LTBP1: variants seen among roughly 807,000 people sequenced by gnomAD.
LTBP1 encodes latent transforming growth factor beta binding protein 1, also known as latent-transforming growth factor beta-binding protein 1.
Under a neutral mutation model 207.6 loss-of-function variants are expected in LTBP1, and 129 were observed. That is an observed-to-expected ratio of 0.62 (90% confidence interval 0.54 to 0.72). LTBP1 has a LOEUF of 0.72. Ranked by LOEUF, LTBP1 falls within the 30% of genes least tolerant of loss-of-function variation. The pLI is 0.00. For synonymous variants in LTBP1, 963 were observed against 833.7 expected (o/e 1.16, Z -2.67); for missense variants, 2,281 against 2,217.2 (o/e 1.03, Z -0.58).
intron 31 of LTBP1, among the ~76,000 whole-genome samples, chr2:33,374,297 T>C (rs1419122980): frequency 6.6e-6 from 1 of 152,182 alleles, no homozygotes. Flanking sequence ...TCTTTCTGCT[T>C]TTGGTCCTGG....
In LTBP1 at chr2:33,278,103, A is replaced by G. The variant is rs1182087616; in HGVS notation, c.2993-1936A>G. Among the ~76,000 whole-genome samples the G allele has an allele frequency of 3.3e-5, 5 of 151,780 alleles. No individual in the cohort carries two copies. The East Asian group carries it at 9.6e-4, about 29-fold the overall frequency. ...AGCCTCAGCCTCCCAAAGTGCTGGG[A>G]TTACAGGTGTGAGCTACTGCACCCG... is the stretch of plus-strand genomic sequence containing the variant. On this transcript the variant is annotated intron_variant, in intron 18 of 33. Transcript: ENST00000404816.
intron 24 of LTBP1, 44 bp from the exon 25 acceptor site, chr2:33,342,794 G>C: frequency 6.2e-7 from 1 of 1,601,354 alleles, no homozygotes; most frequent in Non-Finnish European, 8.5e-7. Flanking sequence ...GTGTTTGTCA[G>C]CCTGTGTTTG....
chr2:33,106,608 C>CTT lies in LTBP1; in HGVS notation c.864-3970_864-3969dup, dbSNP rs1267105433. ...GAGCAGTACTATTTTGAAAGGAAATCTTTTTCTTTTTTTTTTTTCCCTGAA... is the reference window on the plus strand; with the variant it reads ...GAGCAGTACTATTTTGAAAGGAAATCTTTTTTTCTTTTTTTTTTTTCCCTGAA... On this transcript the variant is annotated intron_variant, in intron 3 of 33. Transcript: ENST00000404816. 7.5e-3 allele frequency among the ~76,000 whole-genome samples: 1,130 copies of CTT among 151,492 alleles called. 8 individuals are homozygous for CTT. The highest frequency in any genetic ancestry group is 0.01 in the Middle Eastern group (3 of 294).
chr2:32,948,822 C>T, intron 1 of LTBP1, 53 bp from the exon 2 acceptor site: 1 of 1,530,278 alleles, frequency 6.5e-7, no homozygotes, highest in South Asian at 1.1e-5. Context: ...AGCTTGGGTT[C>T]TTGGGAAGGG....
At chr2:33,053,982 G>A (rs1195084028) in intron 3 of LTBP1, among the ~76,000 whole-genome samples, 2 of 152,160 alleles carry the variant, frequency 1.3e-5, no homozygotes, top group African/African-American at 4.8e-5. Context: ...AAACCCCTGG[G>A]GCAAGACCAT....
chr2:33,027,413 T>C lies in LTBP1; in HGVS notation c.863+6207T>C, dbSNP rs147558527. Among the ~76,000 whole-genome samples the C allele has an allele frequency of 2.9e-3, 445 of 152,330 alleles. 1 individual carries two copies. The highest frequency in any genetic ancestry group is 0.01 in the African/African-American group (434 of 41,574). On this transcript the variant is annotated intron_variant, in intron 3 of 33. Transcript: ENST00000404816. ...CAAATTACCAGTATACAGTATACAGTATTATTTACTATAGTCACCATGCTC... is the reference window on the plus strand; with the variant it reads ...CAAATTACCAGTATACAGTATACAGCATTATTTACTATAGTCACCATGCTC...
rs766267124 is a variant in LTBP1 at position 33,361,421 on chromosome 2, A to G, written c.4184-8A>G. On this transcript the variant is annotated splice_region_variant and splice_polypyrimidine_tract_variant and intron_variant, in intron 27 of 33. Transcript: ENST00000404816. ...TCTTTTTTTTTTTTTTGTCTCTTCT[A>G]AAATCAGCTGAGTTCACTGAAATGT... The G allele has an allele frequency of 2.0e-6, 3 of 1,498,400 alleles. No homozygotes were observed. Among genetic ancestry groups the G allele is most frequent in the East Asian group, 2.3e-5 (1 of 43,296 alleles). 92.8% of individuals were successfully genotyped at this position (1,498,400 alleles called of 1,614,324 possible). A position where few individuals can be genotyped will look rare whatever the true frequency, so the allele number is the denominator to read the frequency against.
At chr2:33,397,563 A>T (rs955804555) in intron 33 of LTBP1, among the ~76,000 whole-genome samples, 1 of 129,282 alleles carries the variant, frequency 7.7e-6, no homozygotes, top group Non-Finnish European at 1.5e-5. Flanking sequence ...GCTGGAGTGC[A>T]GTGGGGTGAT....
In LTBP1 at chr2:33,079,816, A is replaced by G. The variant is rs2078295846; in HGVS notation, c.864-30766A>G. 2.6e-5 allele frequency among the ~76,000 whole-genome samples: 4 copies of G among 152,246 alleles called. No individual in the cohort carries two copies. In the South Asian group the frequency reaches 8.3e-4, roughly 32 times the overall value. ...TTTTTCTTCTGTTTACACACTTGCA[A>G]CACAGTTAAGTTTCCAACAGATTGC... is the stretch of plus-strand genomic sequence containing the variant. On this transcript the variant is annotated intron_variant, in intron 3 of 33. Transcript: ENST00000404816.
chr2:33,070,614 C>A (rs190577487), intron 3 of LTBP1, among the ~76,000 whole-genome samples: 221 of 152,342 alleles, frequency 1.5e-3, no homozygotes, highest in Non-Finnish European at 1.4e-3. Flanking sequence ...AAGGGCCACA[C>A]CTAATTTACA....
intron 10 of LTBP1, among the ~76,000 whole-genome samples, chr2:33,247,454 TG>T (rs1165803234): frequency 2.0e-5 from 3 of 152,182 alleles, no homozygotes; most frequent in African/African-American, 7.2e-5. Flanking sequence ...TTATAGCCCA[TG>T]GGAAAAAATC....
chr2:33,128,348 A>C (rs986618196), intron 4 of LTBP1, among the ~76,000 whole-genome samples: 1 of 152,264 alleles, frequency 6.6e-6, no homozygotes, highest in South Asian at 2.1e-4. Context: ...TAAAGAGCCT[A>C]TGCAAATTAG....
Position 33,262,088 on chromosome 2 carries a change from G to T in LTBP1, c.2419-634G>T, listed in dbSNP as rs867923426. ...GGACTGCTTCTTTGCTTGAGGTCCAGGGGACAAGCGTGGGCACCAAAATGT... is the reference window on the plus strand; with the variant it reads ...GGACTGCTTCTTTGCTTGAGGTCCATGGGACAAGCGTGGGCACCAAAATGT... On this transcript the variant is annotated intron_variant, in intron 13 of 33. Coordinates refer to ENST00000404816, the MANE Select transcript of LTBP1 (RefSeq NM_206943.4). Among the ~76,000 whole-genome samples the T allele has an allele frequency of 3.9e-5, 6 of 152,302 alleles. No individual in the cohort carries two copies. The Middle Eastern group carries it at 0.01, about 259-fold the overall frequency.
At chr2:33,327,696 G>A (rs540363069) in intron 24 of LTBP1, among the ~76,000 whole-genome samples, 171 of 152,246 alleles carry the variant, frequency 1.1e-3, no homozygotes, top group African/African-American at 3.9e-3. Context: ...TAATATTTCA[G>A]TCTAATATAT....
intron 3 of LTBP1, among the ~76,000 whole-genome samples, chr2:33,064,081 C>G (rs1408068156): frequency 6.6e-6 from 1 of 152,140 alleles, no homozygotes; most frequent in African/African-American, 2.4e-5. Context: ...TCTCAAACTC[C>G]TGACCTCATG....
At chr2:32,956,400 A>G (rs528067541) in intron 2 of LTBP1, among the ~76,000 whole-genome samples, 180 of 152,250 alleles carry the variant, frequency 1.2e-3, no homozygotes, top group Non-Finnish European at 2.3e-3. Flanking sequence ...CATTTCAACA[A>G]TGCTCACAGC....
At chr2:33,256,130 A>G (rs1558895617) in intron 11 of LTBP1, among the ~76,000 whole-genome samples, 1 of 149,356 alleles carries the variant, frequency 6.7e-6, no homozygotes, top group Non-Finnish European at 1.5e-5. Context: ...AATGGTAGTG[A>G]TTGATTCCAG....
intron 24 of LTBP1, among the ~76,000 whole-genome samples, chr2:33,337,991 C>T (rs1238243754): frequency 1.3e-5 from 2 of 152,150 alleles, no homozygotes; most frequent in African/African-American, 2.4e-5. Context: ...TCTCAGAGAG[C>T]TCACATCATC....
rs116713089 is a variant in LTBP1 at position 33,134,498 on chromosome 2, G to A, written c.1034-295G>A. The A allele has an allele frequency of 0.064, 84,835 of 1,330,744 alleles. 3,085 individuals are homozygous for A. The highest frequency in any genetic ancestry group is 0.1 in the Middle Eastern group (535 of 5,302). The allele number at this position is 1,330,744 out of a possible 1,614,324, so 82.4% of individuals were successfully genotyped here. On this transcript the variant is annotated intron_variant, in intron 4 of 33. Transcript: ENST00000404816. This position sits in a 1 kb window ranked among gnomAD's most constrained non-coding sequence, Gnocchi z 4.4. Reference sequence around the variant, plus strand: ...TTTGTCTGCCCGTGAATAAAGTGCAGCATTGTGGTTAGTAATCCCACTCCA... The same window carrying A: ...TTTGTCTGCCCGTGAATAAAGTGCAACATTGTGGTTAGTAATCCCACTCCA...
Sources: gnomAD v4.1 joint callset for allele counts (sites outside exome capture counted in the v4.1 genomes callset) on GRCh38, gnomAD v4.1.1 for gene constraint, Gnocchi (gnomAD v3.1) non-coding constraint, MANE v1.5 for transcripts, NCBI Gene and HGNC (gene_info 2026-07-23, HGNC 2026-07-21) for gene names.